ERBB4: variants seen among roughly 807,000 people sequenced by gnomAD.
ERBB4 encodes the protein erb-b2 receptor tyrosine kinase 4, also known as receptor tyrosine-protein kinase erbB-4.
A neutral mutation model predicts 158.0 loss-of-function variants in ERBB4; 42 were observed. The observed-to-expected ratio is 0.27, with a 90% CI of 0.21 to 0.34. ERBB4 has a LOEUF of 0.34. Among genes scored for constraint, ERBB4 ranks in the 10% least tolerant of loss-of-function variants. The pLI is 1.00. For synonymous variants in ERBB4, 583 were observed against 558.7 expected (o/e 1.04, Z -0.61); for missense variants, 1,333 against 1,624.1 (o/e 0.82, Z 3.08).
Position 211,722,509 on chromosome 2 carries a change from C to T in ERBB4, c.767G>A (p.Gly256Glu). Residue 256 changes from glycine to glutamate, a missense_variant, in exon 7 of 28, where the codon GGA becomes GAA. Gly to Glu is a moderately conservative substitution (Grantham distance 98). This residue lies in a region of ERBB4 where 438 missense variants were observed against 586.9 expected (regional missense o/e 0.75). Transcript: ENST00000342788. ...TTGGGGACACTGAGTAACACATGCT[C>T]CACTGTCATTGAAATTCATGCAGGC... ...CFACMNFNDS[G>E]ACVTQCPQTF... 1 of 1,613,974 alleles carries T rather than the reference C, an allele frequency of 6.2e-7. No homozygotes were observed. Among genetic ancestry groups the T allele is most frequent in the Non-Finnish European group, 8.5e-7 (1 of 1,179,870 alleles).
At chr2:212,230,641 G>A (rs376640635) in intron 1 of ERBB4, among the ~76,000 whole-genome samples, 27 of 152,238 alleles carry the variant, frequency 1.8e-4, no homozygotes, top group South Asian at 1.0e-3. Context: ...ATGACAGTGC[G>A]TATGGTTTTC....
intron 1 of ERBB4, among the ~76,000 whole-genome samples, chr2:212,286,606 T>TTTTTTTG (rs2085981303): frequency 7.8e-6 from 1 of 128,194 alleles, no homozygotes; most frequent in African/African-American, 3.0e-5. Context: ...TTTTTTTTTT[T>TTTTTTTG]TTTTTTTTTT....
intron 19 of ERBB4, among the ~76,000 whole-genome samples, chr2:211,592,252 T>C (rs2068495077): frequency 6.6e-6 from 1 of 152,242 alleles, no homozygotes; most frequent in Admixed American, 6.5e-5. Context: ...CGCCACAGTA[T>C]CTTATCAGTT....
intron 2 of ERBB4, among the ~76,000 whole-genome samples, chr2:211,958,209 C>T (rs1490047588): frequency 6.6e-6 from 1 of 152,064 alleles, no homozygotes; most frequent in African/African-American, 2.4e-5. Flanking sequence ...TAGTCATCTC[C>T]TCTAGTGACA....
intron 25 of ERBB4, among the ~76,000 whole-genome samples, chr2:211,398,012 C>T (rs1238015276): frequency 1.3e-5 from 2 of 152,134 alleles, no homozygotes; most frequent in South Asian, 2.1e-4. Flanking sequence ...ATATAACTAA[C>T]AGCTGCCCTG....
intron 1 of ERBB4, among the ~76,000 whole-genome samples, chr2:212,536,815 C>T (rs1693095666): frequency 6.6e-6 from 1 of 152,152 alleles, no homozygotes; most frequent in Non-Finnish European, 1.5e-5. Flanking sequence ...CGTAGAAATT[C>T]CTCTCGGCTA....
intron 3 of ERBB4, among the ~76,000 whole-genome samples, chr2:211,829,564 C>A (rs910061482): frequency 8.5e-5 from 13 of 152,082 alleles, no homozygotes; most frequent in Non-Finnish European, 1.5e-5. Context: ...ACTTGTTTAT[C>A]ATCTGCTTCT....
intron 2 of ERBB4, among the ~76,000 whole-genome samples, chr2:211,990,008 A>C (rs1302845022): frequency 6.6e-6 from 1 of 151,930 alleles, no homozygotes; most frequent in Non-Finnish European, 1.5e-5. Flanking sequence ...ACAAGCAAAA[A>C]TAATCCCTGT....
Position 212,244,259 on chromosome 2 carries a change from C to A in ERBB4, c.83-119356G>T, listed in dbSNP as rs147260414. 4.5e-3 allele frequency among the ~76,000 whole-genome samples: 680 copies of A among 151,986 alleles called. 2 individuals are homozygous for A. Among genetic ancestry groups the A allele is most frequent in the African/African-American group, 0.015 (631 of 41,470 alleles). On this transcript the variant is annotated intron_variant, in intron 1 of 27. Transcript: ENST00000342788. ...TCATTTTTTTTCCATTGTAAATCAA[C>A]CTCATAAGTCCATCCTTTTTACCCC...
chr2:212,092,986 C>T (rs543332546), intron 2 of ERBB4, among the ~76,000 whole-genome samples: 58 of 152,214 alleles, frequency 3.8e-4, no homozygotes, highest in African/African-American at 1.3e-3. Context: ...TACAGAAACA[C>T]AGGGAAATTA....
At chr2:211,887,225 T>A (rs1290890360) in intron 3 of ERBB4, among the ~76,000 whole-genome samples, 1 of 146,742 alleles carries the variant, frequency 6.8e-6, no homozygotes, top group Non-Finnish European at 1.5e-5. Context: ...TTAGAATTAG[T>A]GAACAGAGTT....
chr2:211,760,860 A>G (rs2075392166), intron 4 of ERBB4, among the ~76,000 whole-genome samples: 1 of 152,152 alleles, frequency 6.6e-6, no homozygotes, highest in South Asian at 2.1e-4. Context: ...TATCTTATTT[A>G]ATTTTCACAA....
At chr2:211,703,486 AT>A (rs1177735985) in intron 11 of ERBB4, among the ~76,000 whole-genome samples, 2 of 152,238 alleles carry the variant, frequency 1.3e-5, no homozygotes, top group Non-Finnish European at 2.9e-5. Flanking sequence ...AATTTAAAAA[AT>A]TCTTATGCAA....
intron 3 of ERBB4, among the ~76,000 whole-genome samples, chr2:211,829,734 T>C (rs2077179636): frequency 1.3e-5 from 2 of 152,196 alleles, no homozygotes; most frequent in Non-Finnish European, 1.5e-5. Flanking sequence ...GGTTGTTTCT[T>C]ATCTATTGTC....
At chr2:211,810,497 A>T (rs928641280) in intron 3 of ERBB4, among the ~76,000 whole-genome samples, 50 of 152,064 alleles carry the variant, frequency 3.3e-4, no homozygotes, top group African/African-American at 1.2e-3. Context: ...GTTTTGTCAG[A>T]GACTAGGATT....
At chr2:212,469,718 T>A (rs927837002) in intron 1 of ERBB4, among the ~76,000 whole-genome samples, 1 of 152,138 alleles carries the variant, frequency 6.6e-6, no homozygotes, top group Non-Finnish European at 1.5e-5. Context: ...AACAGTATAT[T>A]TTTTTAACAA....
chr2:212,005,669 T>C (rs1006428685), intron 2 of ERBB4, among the ~76,000 whole-genome samples: 2 of 152,174 alleles, frequency 1.3e-5, no homozygotes, highest in Non-Finnish European at 2.9e-5. Context: ...AAAAGCCTCT[T>C]GTAGGAAAGC....
rs1333513225 is a variant in ERBB4 at position 211,580,802 on chromosome 2, ATATATATATAATATATATATAT to A, written c.2302-18736_2302-18715del. Among the ~76,000 whole-genome samples, 16 of 66,052 alleles carry A rather than the reference ATATATATATAATATATATATAT, an allele frequency of 2.4e-4. 2 individuals carry two copies. The highest frequency in any genetic ancestry group is 1.8e-3 in the African/African-American group (16 of 8,920). The allele number at this position is 66,052 out of a possible 152,430, so 43.3% of individuals were successfully genotyped here. On this transcript the variant is annotated intron_variant, in intron 19 of 27. Coordinates refer to ENST00000342788, the MANE Select transcript of ERBB4 (RefSeq NM_005235.3). ...AAGAAATTGTGATATATATATATAT[ATATATATATAATATATATATAT>A]TATATATATAGATTATATATTATAT...
chr2:211,415,182 C>T (rs367607620), intron 25 of ERBB4, among the ~76,000 whole-genome samples: 6,637 of 135,926 alleles, frequency 0.049, 104 homozygotes, highest in Middle Eastern at 0.092. Flanking sequence ...AGTGGCGCGA[C>T]CTCGGCTCAC....
Sources: gnomAD v4.1 joint callset for allele counts (sites outside exome capture counted in the v4.1 genomes callset) on GRCh38, gnomAD v4.1.1 for gene constraint, gnomAD v4.1.1 regional missense constraint, MANE v1.5 for transcripts, NCBI Gene and HGNC (gene_info 2026-07-23, HGNC 2026-07-21) for gene names.